The following CIMIP2A variants were observed in gnomAD, a reference collection of about 807,000 sequenced individuals.
CIMIP2A encodes family with sequence similarity 166 member A.
the CIMIP2A span, chr9:137,251,115 A>C: frequency 1.6e-6 from 1 of 624,138 alleles, no homozygotes; most frequent in Admixed American, 2.5e-5. Context: ...GCCCAGGCGG[A>C]CCCGCTGATC....
the CIMIP2A span, chr9:137,252,852 G>A: frequency 6.3e-7 from 1 of 1,578,930 alleles, no homozygotes. Flanking sequence ...CCTGGCAAGA[G>A]ATGCCCTGGC....
At chr9:137,248,054 AG>A in the CIMIP2A span, among the ~76,000 whole-genome samples, 1 of 152,188 alleles carries the variant, frequency 6.6e-6, no homozygotes, top group Non-Finnish European at 1.5e-5. Context: ...GGTGAGGCTA[AG>A]GGAGTCCCCA....
At chr9:137,254,043 T>A in the CIMIP2A span, among the ~76,000 whole-genome samples, 2 of 152,146 alleles carry the variant, frequency 1.3e-5, no homozygotes, top group Non-Finnish European at 2.9e-5. Flanking sequence ...TGGCCTGCCC[T>A]CCTACCCAGG....
At chr9:137,251,390 C>T in the CIMIP2A span, 1 of 1,610,842 alleles carries the variant, frequency 6.2e-7, no homozygotes, top group Non-Finnish European at 8.5e-7. Flanking sequence ...CAACCAGAGC[C>T]CACCCAGTAA....
At chr9:137,243,941 C>G in the CIMIP2A span, among the ~76,000 whole-genome samples, 2 of 152,252 alleles carry the variant, frequency 1.3e-5, no homozygotes, top group East Asian at 1.9e-4. Context: ...CTGTCCTGTT[C>G]CAGGTACCCA....
the CIMIP2A span, chr9:137,253,086 G>C: frequency 3.9e-6 from 6 of 1,545,130 alleles, no homozygotes; most frequent in Non-Finnish European, 5.3e-6. Flanking sequence ...TGCTACCTGG[G>C]TGGGGCTCCC....
chr9:137,244,072 ACAGGTGGTCCTGAAC>A, the CIMIP2A span: 1 of 1,242,670 alleles, frequency 8.0e-7, no homozygotes, highest in East Asian at 2.3e-5. Flanking sequence ...TAATGGTCAG[ACAGGTGGTCCTGAAC>A]CAGCAATGAA....
chr9:137,247,536 G>C, the CIMIP2A span: 1 of 878,250 alleles, frequency 1.1e-6, no homozygotes. Flanking sequence ...CCCGTGGTGT[G>C]GCCTTCAGTT....
the CIMIP2A span, chr9:137,245,155 C>G: frequency 1.3e-6 from 2 of 1,585,246 alleles, no homozygotes; most frequent in East Asian, 4.5e-5. Context: ...AAGCTGCCCA[C>G]ATCTAGCGTC....
the CIMIP2A span, chr9:137,253,156 A>G: frequency 2.5e-6 from 4 of 1,600,994 alleles, no homozygotes; most frequent in Admixed American, 1.7e-5. Context: ...GGAGGACTGC[A>G]ACTCACGCTT....
chr9:137,248,304 T>C, the CIMIP2A span, among the ~76,000 whole-genome samples: 1 of 152,116 alleles, frequency 6.6e-6, no homozygotes, highest in Non-Finnish European at 1.5e-5. Flanking sequence ...TCCCAGCACT[T>C]TGGGAGGCCG....
At chr9:137,250,578 C>G in the CIMIP2A span, 1 of 153,448 alleles carries the variant, frequency 6.5e-6, no homozygotes, top group African/African-American at 2.4e-5. Flanking sequence ...TGGTGGTCAG[C>G]TCCAGAGACC....
chr9:137,252,114 G>C, the CIMIP2A span: 7 of 1,611,468 alleles, frequency 4.3e-6, no homozygotes, highest in Non-Finnish European at 5.9e-6. Flanking sequence ...CTACAGCATC[G>C]GCTGCAAGCA....
chr9:137,244,210 T>C, the CIMIP2A span: 2 of 1,613,932 alleles, frequency 1.2e-6, no homozygotes, highest in Non-Finnish European at 1.7e-6. Context: ...AGGCCTTGGC[T>C]GCTGTAGATG....
the CIMIP2A span, chr9:137,244,177 T>A: frequency 5.0e-6 from 8 of 1,613,734 alleles, no homozygotes; most frequent in East Asian, 1.8e-4. Context: ...TCACCGGGGA[T>A]GAACCCCATG....
At chr9:137,252,561 C>T in the CIMIP2A span, 9 of 1,333,278 alleles carry the variant, frequency 6.8e-6, no homozygotes, top group East Asian at 5.1e-5. Context: ...GGGGAGTCCA[C>T]GCAGGCAGGG....
the CIMIP2A span, among the ~76,000 whole-genome samples, chr9:137,247,406 G>A: frequency 6.6e-6 from 1 of 152,268 alleles, no homozygotes; most frequent in African/African-American, 2.4e-5. Context: ...CAGACGTGCT[G>A]GCCACCAGGT....
At chr9:137,246,366 G>A in the CIMIP2A span, among the ~76,000 whole-genome samples, 11 of 152,180 alleles carry the variant, frequency 7.2e-5, no homozygotes, top group African/African-American at 2.7e-4. Context: ...GGCTTTTCCG[G>A]GCCCTCATTC....
the CIMIP2A span, among the ~76,000 whole-genome samples, chr9:137,246,931 A>T: frequency 6.6e-6 from 1 of 151,334 alleles, no homozygotes; most frequent in Admixed American, 6.6e-5. Context: ...GGTTACTTTT[A>T]TTTTTTGTTT....
Sources: gnomAD v4.1 joint callset for allele counts (sites outside exome capture counted in the v4.1 genomes callset) on GRCh38, gnomAD v4.1.1 for gene constraint, MANE v1.5 for transcripts, NCBI Gene and HGNC (gene_info 2026-07-23, HGNC 2026-07-21) for gene names.